The following PTK2 variants were observed in gnomAD, a reference collection of about 807,000 sequenced individuals.
PTK2 encodes protein tyrosine kinase 2, also known as focal adhesion kinase 1.
PTK2 carries 45 observed loss-of-function variants against 150.1 expected under a neutral mutation model. The observed-to-expected ratio is 0.30, with a 90% CI of 0.24 to 0.38. The LOEUF (loss-of-function observed/expected upper bound fraction) is 0.38. PTK2 is among the 10% of genes least tolerant of loss of function. PTK2 has a pLI of 1.00. For synonymous variants in PTK2, 432 were observed against 449.2 expected, an observed-to-expected ratio of 0.96 and a Z score of 0.48; for missense variants, 919 against 1,307.3, an observed-to-expected ratio of 0.70 and a Z score of 4.58.
intron 18 of PTK2, 23 bp from the exon 22 acceptor site, chr8:140,744,790 A>C: frequency 6.0e-5 from 25 of 418,206 alleles, no homozygotes; most frequent in East Asian, 7.7e-5. Context: ...TGACCAAAAG[A>C]AAAAAAAAAA....
chr8:140,726,698 A>G (rs925324179), intron 22 of PTK2, among the ~76,000 whole-genome samples: 1 of 152,228 alleles, frequency 6.6e-6, no homozygotes, highest in Non-Finnish European at 1.5e-5. Context: ...ATATAAAACT[A>G]ATAGAATTCA....
intron 1 of PTK2, among the ~76,000 whole-genome samples, chr8:140,982,694 C>T (rs751329372): frequency 1.3e-5 from 2 of 152,308 alleles, no homozygotes; most frequent in African/African-American, 2.4e-5. Flanking sequence ...TCAATTCCTT[C>T]CCTATCTTTT....
At chr8:140,844,488 CT>C (rs2100124173) in intron 7 of PTK2, among the ~76,000 whole-genome samples, 1 of 152,086 alleles carries the variant, frequency 6.6e-6, no homozygotes, top group Non-Finnish European at 1.5e-5. Flanking sequence ...TTAATTTATA[CT>C]TTGGGTTACA....
intron 26 of PTK2, 53 bp from the exon 30 acceptor site, chr8:140,686,747 T>C: frequency 2.7e-6 from 4 of 1,482,236 alleles, no homozygotes; most frequent in Non-Finnish European, 3.7e-6. Context: ...TTGAAAATTT[T>C]TGACAGATTC....
chr8:140,764,655 C>G, intron 14 of PTK2: 1 of 343,382 alleles, frequency 2.9e-6, no homozygotes, highest in African/African-American at 2.1e-5. Flanking sequence ...CAGTTGTCTA[C>G]TGGGCTTTCT....
chr8:140,989,688 C>T (rs927851342), intron 1 of PTK2, among the ~76,000 whole-genome samples: 2 of 152,004 alleles, frequency 1.3e-5, no homozygotes, highest in African/African-American at 4.8e-5. Flanking sequence ...GCGGGCGGAT[C>T]ACCTAAGGAG....
At chr8:140,947,405 C>G (rs10093049) in intron 1 of PTK2, among the ~76,000 whole-genome samples, 63,437 of 151,948 alleles carry the variant, frequency 0.42, 15,158 homozygotes, top group Non-Finnish European at 0.55. Flanking sequence ...GACCAAAGTT[C>G]CACAGCTAAA....
chr8:140,768,217 C>A (rs1201126172), intron 14 of PTK2, among the ~76,000 whole-genome samples: 1 of 151,898 alleles, frequency 6.6e-6, no homozygotes, highest in African/African-American at 2.4e-5. Context: ...AGGCAAGAAA[C>A]GGTAGCATAC....
intron 2 of PTK2, among the ~76,000 whole-genome samples, chr8:140,914,551 G>GTT (rs201582180): frequency 6.9e-5 from 10 of 144,512 alleles, no homozygotes; most frequent in African/African-American, 2.5e-4. Context: ...GCACCCAAGA[G>GTT]TTTTTTTTTT....
At chr8:140,972,554 T>C (rs8180948) in intron 1 of PTK2, among the ~76,000 whole-genome samples, 65,558 of 152,146 alleles carry the variant, frequency 0.43, 16,244 homozygotes, top group Non-Finnish European at 0.57. Flanking sequence ...CACGAGCCAC[T>C]GTGCCCAGCC....
chr8:140,851,540 T>G (rs1259981760), intron 5 of PTK2, among the ~76,000 whole-genome samples: 5 of 152,084 alleles, frequency 3.3e-5, no homozygotes, highest in Admixed American at 3.3e-4. Context: ...TTTATAATGG[T>G]TAAGTAACCC....
intron 26 of PTK2, among the ~76,000 whole-genome samples, chr8:140,694,263 G>C (rs1479736084): frequency 6.6e-6 from 1 of 151,872 alleles, no homozygotes; most frequent in Non-Finnish European, 1.5e-5. Flanking sequence ...GGATGGTCTC[G>C]ATCTCCTGAC....
intron 1 of PTK2, chr8:141,000,909 C>T: frequency 6.6e-6 from 1 of 151,738 alleles, no homozygotes; most frequent in Non-Finnish European, 1.5e-5. Flanking sequence ...TCCGCGAGGG[C>T]CCCCAACCTC....
chr8:140,851,980 CAT>C (rs1411047209), intron 5 of PTK2, among the ~76,000 whole-genome samples: 1 of 152,028 alleles, frequency 6.6e-6, no homozygotes, highest in Non-Finnish European at 1.5e-5. Context: ...TGCACACATA[CAT>C]GTGTGTGCAC....
chr8:140,906,221 T>C (rs2100160822), intron 2 of PTK2, among the ~76,000 whole-genome samples: 1 of 152,068 alleles, frequency 6.6e-6, no homozygotes. Context: ...AAATAACAAG[T>C]GCTGGCAAGG....
chr8:140,892,775 C>T (rs112832446), intron 2 of PTK2, among the ~76,000 whole-genome samples: 2 of 151,882 alleles, frequency 1.3e-5, no homozygotes, highest in African/African-American at 2.4e-5. Flanking sequence ...TACAGAAATT[C>T]TTTTAAAATG....
At chr8:140,735,405 C>G in exon 22 of PTK2, 1 of 1,614,174 alleles carries the variant, frequency 6.2e-7, no homozygotes, top group Non-Finnish European at 8.5e-7. Context: ...TTGTTCTTCA[C>G]TCCTTGAAAA....
intron 1 of PTK2, among the ~76,000 whole-genome samples, chr8:140,927,975 A>AAAAAAAAAAATATAT: frequency 6.2e-5 from 3 of 48,196 alleles, no homozygotes; most frequent in African/African-American, 9.8e-5. Flanking sequence ...AAAAAAAAAA[A>AAAAAAAAAAATATAT]ATATATATAT....
Position 140,827,589 on chromosome 8 carries a change from G to C in PTK2, c.648+2883C>G, listed in dbSNP as rs1301554884. Among the ~76,000 whole-genome samples, 3 of 152,140 alleles carry C rather than the reference G, an allele frequency of 2.0e-5. No homozygotes were observed. The East Asian group carries it at 5.8e-4, about 29-fold the overall frequency. On this transcript the variant is annotated intron_variant, in intron 8 of 31. Coordinates refer to ENST00000522684, the Ensembl canonical transcript of PTK2. The stretch of plus-strand genomic sequence containing the variant: ...AGTAGGGAAGGCATAACCAAGGAAA[G>C]AAACTTTCTAGCTTTTCAATTCTAC...
Sources: allele counts gnomAD v4.1 joint callset (sites outside exome capture counted in the v4.1 genomes callset), GRCh38; gene constraint gnomAD v4.1.1; transcripts MANE v1.5; gene names NCBI Gene and HGNC (gene_info 2026-07-23, HGNC 2026-07-21).